The following NPAS3 variants were observed in gnomAD, a reference collection of about 807,000 sequenced individuals.
NPAS3 encodes the protein neuronal PAS domain-containing protein 3.
A neutral mutation model predicts 73.1 loss-of-function variants in NPAS3; 14 were observed. That is an observed-to-expected ratio of 0.19 (90% confidence interval 0.13 to 0.30). The LOEUF (loss-of-function observed/expected upper bound fraction) is 0.30. Ranked by LOEUF, NPAS3 falls within the 10% of genes least tolerant of loss-of-function variation. NPAS3 has a pLI of 1.00. For synonymous variants in NPAS3, 620 were observed against 541.5 expected (o/e 1.14, Z -2.01); for missense variants, 1,096 against 1,250.0 (o/e 0.88, Z 1.86).
chr14:33,228,737 T>G (rs549401314), intron 3 of NPAS3, among the ~76,000 whole-genome samples: 1 of 152,262 alleles, frequency 6.6e-6, no homozygotes, highest in South Asian at 2.1e-4. Flanking sequence ...GAGTGACGCA[T>G]TCTCACCAAA....
intron 4 of NPAS3, among the ~76,000 whole-genome samples, chr14:33,472,609 T>A (rs971184941): frequency 2.1e-5 from 3 of 143,556 alleles, no homozygotes; most frequent in African/African-American, 9.0e-5. Context: ...GTTACTTGAA[T>A]CAGCTGATAG....
At chr14:33,525,802 T>C (rs1008695000) in intron 4 of NPAS3, among the ~76,000 whole-genome samples, 1 of 152,148 alleles carries the variant, frequency 6.6e-6, no homozygotes, top group Non-Finnish European at 1.5e-5. Flanking sequence ...AAGTTTGGAA[T>C]GTGACATGGG....
intron 6 of NPAS3, chr14:33,680,803 TTGGA>T: frequency 1.7e-6 from 1 of 588,808 alleles, no homozygotes; most frequent in Non-Finnish European, 3.0e-6. Context: ...AGGCAGTACT[TTGGA>T]TGATGAATAA....
intron 3 of NPAS3, among the ~76,000 whole-genome samples, chr14:33,325,635 G>A (rs1392929223): frequency 3.1e-5 from 4 of 131,064 alleles, no homozygotes; most frequent in African/African-American, 8.9e-5. Flanking sequence ...GTGAGACTCC[G>A]TCTCAAAAAA....
At chr14:33,469,831 T>A (rs1478711270) in intron 4 of NPAS3, among the ~76,000 whole-genome samples, 2 of 152,172 alleles carry the variant, frequency 1.3e-5, no homozygotes, top group African/African-American at 4.8e-5. Context: ...TGTTGCTGCA[T>A]TAAAAAAAAT....
rs142015613 is a variant in NPAS3, at chr14:33,146,399, T to C, written c.141-68783T>C. Among the ~76,000 whole-genome samples the C allele has an allele frequency of 1.4e-3, 219 of 152,286 alleles. 7 individuals carry two copies. The East Asian group carries it at 0.04, about 28-fold the overall frequency. On this transcript the variant is annotated intron_variant, in intron 2 of 11. Transcript: ENST00000356141. ...GTACAAATCCCCATCTTGAGGAAAC[T>C]CTTGAGGGTTAAATGAGATGACAAT...
intron 5 of NPAS3, among the ~76,000 whole-genome samples, chr14:33,641,468 T>A (rs1327053651): frequency 6.6e-6 from 1 of 152,200 alleles, no homozygotes; most frequent in Non-Finnish European, 1.5e-5. Flanking sequence ...ATTTAACTCT[T>A]AAGTTTGTCA....
At chr14:33,421,363 G>T (rs1321881059) in intron 4 of NPAS3, among the ~76,000 whole-genome samples, 1 of 151,810 alleles carries the variant, frequency 6.6e-6, no homozygotes, top group East Asian at 1.9e-4. Flanking sequence ...AAGGAATTTT[G>T]CCTAGTGAAA....
At chr14:33,533,669 A>G (rs17101476) in intron 4 of NPAS3, among the ~76,000 whole-genome samples, 1 of 152,166 alleles carries the variant, frequency 6.6e-6, no homozygotes, top group Non-Finnish European at 1.5e-5. Context: ...AATTGCCTCA[A>G]ATTTTGAAAC....
intron 6 of NPAS3, among the ~76,000 whole-genome samples, chr14:33,707,748 T>C (rs919669165): frequency 1.3e-5 from 2 of 152,016 alleles, no homozygotes; most frequent in Non-Finnish European, 2.9e-5. Flanking sequence ...CAAGGCAAAT[T>C]ATCAGCCTTT....
intron 4 of NPAS3, among the ~76,000 whole-genome samples, chr14:33,521,362 C>T (rs2053546464): frequency 6.6e-6 from 1 of 152,006 alleles, no homozygotes; most frequent in Non-Finnish European, 1.5e-5. Context: ...TCTACAAAGT[C>T]CTGTATTCCC....
chr14:32,985,443 C>T (rs1266211835), intron 1 of NPAS3, among the ~76,000 whole-genome samples: 1 of 152,152 alleles, frequency 6.6e-6, no homozygotes, highest in Admixed American at 6.5e-5. Flanking sequence ...TTAGGCTATT[C>T]TCTTGCAAAT....
intron 1 of NPAS3, among the ~76,000 whole-genome samples, chr14:33,034,681 C>T (rs17099955): frequency 0.074 from 11,231 of 151,996 alleles, 514 homozygotes; most frequent in Non-Finnish European, 0.1. Flanking sequence ...TGTTTGTCAA[C>T]CCTAAAATAA....
intron 3 of NPAS3, among the ~76,000 whole-genome samples, chr14:33,366,306 C>A (rs7148671): frequency 0.52 from 78,724 of 151,080 alleles, 20,451 homozygotes; most frequent in Admixed American, 0.56. Context: ...ACAGGTTTAA[C>A]ATAAATTGGA....
intron 2 of NPAS3, among the ~76,000 whole-genome samples, chr14:33,056,903 T>C (rs543484314): frequency 6.6e-6 from 1 of 152,346 alleles, no homozygotes; most frequent in East Asian, 1.9e-4. Flanking sequence ...AAATATACTT[T>C]GTTGTGTTTT....
At chr14:33,421,943 G>C (rs933168329) in intron 4 of NPAS3, among the ~76,000 whole-genome samples, 2 of 151,660 alleles carry the variant, frequency 1.3e-5, no homozygotes, top group Non-Finnish European at 2.9e-5. Flanking sequence ...TTTAATTTTT[G>C]AGTTTTTTTC....
At chr14:33,197,915 T>C (rs1191002350) in intron 2 of NPAS3, among the ~76,000 whole-genome samples, 1 of 152,190 alleles carries the variant, frequency 6.6e-6, no homozygotes, top group Non-Finnish European at 1.5e-5. Context: ...TTAAAGATGG[T>C]GTGTCCAGAC....
intron 2 of NPAS3, among the ~76,000 whole-genome samples, chr14:33,057,420 T>G (rs1250471491): frequency 6.6e-6 from 1 of 152,224 alleles, no homozygotes; most frequent in East Asian, 1.9e-4. Flanking sequence ...AAAAATCCTT[T>G]TGTTGTATAA....
chr14:33,200,328 G>C (rs1019054798), intron 2 of NPAS3, among the ~76,000 whole-genome samples: 1 of 152,012 alleles, frequency 6.6e-6, no homozygotes, highest in African/African-American at 2.4e-5. Flanking sequence ...GTTTAACTTT[G>C]ATAGTTTATA....
Sources: gnomAD v4.1 joint callset for allele counts (sites outside exome capture counted in the v4.1 genomes callset) on GRCh38, gnomAD v4.1.1 for gene constraint, MANE v1.5 for transcripts, NCBI Gene and HGNC (gene_info 2026-07-23, HGNC 2026-07-21) for gene names.